Variants in GPC6 observed in about 807,000 individuals in gnomAD.
GPC6 encodes glypican 6.
GPC6 carries 14 observed loss-of-function variants against 55.2 expected under a neutral mutation model. The observed-to-expected ratio is 0.25, with a 90% CI of 0.17 to 0.40. The LOEUF (loss-of-function observed/expected upper bound fraction) is 0.40. Ranked by LOEUF, GPC6 falls within the 10% of genes least tolerant of loss-of-function variation. The pLI is 1.00. For missense variants in GPC6, 641 were observed against 708.5 expected, an observed-to-expected ratio of 0.90 and a Z score of 1.08; for synonymous variants, 278 against 259.6, an observed-to-expected ratio of 1.07 and a Z score of -0.68.
At chr13:93,677,758 T>G (rs1191348241) in intron 2 of GPC6, among the ~76,000 whole-genome samples, 1 of 152,100 alleles carries the variant, frequency 6.6e-6, no homozygotes, top group Non-Finnish European at 1.5e-5. Context: ...ACTACCCAGG[T>G]TTTAAAACTT....
intron 3 of GPC6, among the ~76,000 whole-genome samples, chr13:93,911,557 A>T (rs1013834053): frequency 6.6e-6 from 1 of 152,180 alleles, no homozygotes; most frequent in African/African-American, 2.4e-5. Flanking sequence ...ACTGCATGGC[A>T]GTGTTGGGAA....
chr13:93,876,631 G>A (rs1889305816), intron 3 of GPC6, among the ~76,000 whole-genome samples: 1 of 152,014 alleles, frequency 6.6e-6, no homozygotes, highest in Admixed American at 6.6e-5. Flanking sequence ...TCTGATAGTT[G>A]CCCAAAGGTA....
chr13:94,325,343 C>T (rs187388996), intron 6 of GPC6, among the ~76,000 whole-genome samples: 1 of 152,252 alleles, frequency 6.6e-6, no homozygotes, highest in East Asian at 1.9e-4. Context: ...TGGTGAAAGG[C>T]AGGGCAGAGG....
intron 4 of GPC6, among the ~76,000 whole-genome samples, chr13:94,066,187 C>T (rs1411468625): frequency 1.3e-5 from 2 of 152,050 alleles, no homozygotes; most frequent in Admixed American, 1.3e-4. Flanking sequence ...ATTTTATACC[C>T]ATTGTAGATA....
Position 94,370,481 on chromosome 13 carries a change from T to TAA in GPC6, c.1153-11930_1153-11929dup. On this transcript the variant is annotated intron_variant, in intron 6 of 8. Coordinates refer to ENST00000377047, the MANE Select transcript of GPC6 (RefSeq NM_005708.5). ...TATTTTGCATTCCCAGAGTCTACTA[T>TAA]AAAACCTGTCTTATAAAAGGCACGT... Among the ~76,000 whole-genome samples, 9 of 152,346 alleles carry TAA rather than the reference T, an allele frequency of 5.9e-5. 1 individual carries two copies. In the Middle Eastern group the frequency reaches 0.024, roughly 403 times the overall value.
chr13:93,443,301 AT>A (rs1022992694), intron 1 of GPC6, among the ~76,000 whole-genome samples: 7 of 151,900 alleles, frequency 4.6e-5, no homozygotes, highest in Non-Finnish European at 8.8e-5. Context: ...TTATGAATAA[AT>A]TTTTTTTTCT....
intron 4 of GPC6, among the ~76,000 whole-genome samples, chr13:94,252,467 A>G (rs954907863): frequency 3.3e-5 from 5 of 152,018 alleles, no homozygotes; most frequent in Non-Finnish European, 5.9e-5. Flanking sequence ...ATGTGCCCCC[A>G]TGCTGGTTAA....
intron 1 of GPC6, among the ~76,000 whole-genome samples, chr13:93,412,673 A>G (rs1490435245): frequency 6.6e-6 from 1 of 152,148 alleles, no homozygotes; most frequent in Non-Finnish European, 1.5e-5. Flanking sequence ...AAACAAACAA[A>G]TAAATCCAGG....
At position 93,830,467 on chromosome 13, in the gene GPC6, T is replaced by G. The variant is rs1385175374; in HGVS notation, c.633T>G (p.Val211=). Residue 211 remains valine (V), a synonymous_variant, in exon 3 of 9, where the codon GTT becomes GTG. Transcript: ENST00000377047. Reference sequence around the variant, plus strand: ...TGCCCCGGAAACTGAAGATTCAGGTTACCCGCGCCTTCATTGCTGCCAGGA... The same window carrying G: ...TGCCCCGGAAACTGAAGATTCAGGTGACCCGCGCCTTCATTGCTGCCAGGA... The part of the protein sequence containing the change: ...GDVPRKLKIQ[V]TRAFIAARTF... The G allele has an allele frequency of 1.2e-6, 2 of 1,613,696 alleles. No homozygotes were observed. Among genetic ancestry groups the G allele is most frequent in the African/African-American group, 2.7e-5 (2 of 74,902 alleles).
At chr13:94,072,707 G>T (rs1175953134) in intron 4 of GPC6, among the ~76,000 whole-genome samples, 2 of 152,202 alleles carry the variant, frequency 1.3e-5, no homozygotes, top group Non-Finnish European at 2.9e-5. Flanking sequence ...AAGCAACAAT[G>T]AATATTGCAA....
chr13:94,377,186 C>G (rs1244718111), intron 6 of GPC6, among the ~76,000 whole-genome samples: 1 of 151,914 alleles, frequency 6.6e-6, no homozygotes, highest in Non-Finnish European at 1.5e-5. Context: ...CAACAAAAGA[C>G]ACAATTGACA....
At chr13:93,502,240 G>A (rs1003793793) in intron 1 of GPC6, among the ~76,000 whole-genome samples, 1 of 151,802 alleles carries the variant, frequency 6.6e-6, no homozygotes, top group Non-Finnish European at 1.5e-5. Context: ...AAATAAATCA[G>A]TTCTCCAGAA....
intron 1 of GPC6, among the ~76,000 whole-genome samples, chr13:93,300,516 C>T (rs536411902): frequency 5.9e-5 from 9 of 151,604 alleles, no homozygotes; most frequent in Admixed American, 2.0e-4. Flanking sequence ...GGCGTGGTGG[C>T]GGGTGCCTGT....
At chr13:94,260,770 G>A (rs1248349359) in intron 4 of GPC6, among the ~76,000 whole-genome samples, 1 of 152,134 alleles carries the variant, frequency 6.6e-6, no homozygotes, top group Non-Finnish European at 1.5e-5. Context: ...CTGAAGAGAA[G>A]GGGTCAGATC....
intron 4 of GPC6, among the ~76,000 whole-genome samples, chr13:94,180,648 T>C (rs190435087): frequency 7.7e-4 from 117 of 152,288 alleles, no homozygotes; most frequent in Non-Finnish European, 1.3e-3. Context: ...TATTTGTCCT[T>C]AGCAATTTTC....
In GPC6 at chr13:93,386,206, G is replaced by A. The variant is rs568113307; in HGVS notation, c.160+158590G>A. 8.6e-5 allele frequency among the ~76,000 whole-genome samples: 13 copies of A among 151,998 alleles called. No individual in the cohort carries two copies. The South Asian group carries it at 1.5e-3, about 17-fold the overall frequency. ...GCAAGTTCAGCGAATAACTGTAGACGCTATTAAGAGCTGTCATGGAAAATG... is the reference window on the plus strand; with the variant it reads ...GCAAGTTCAGCGAATAACTGTAGACACTATTAAGAGCTGTCATGGAAAATG... On this transcript the variant is annotated intron_variant, in intron 1 of 8. Coordinates refer to ENST00000377047, the MANE Select transcript of GPC6 (RefSeq NM_005708.5).
intron 1 of GPC6, among the ~76,000 whole-genome samples, chr13:93,257,221 G>A (rs986341813): frequency 3.3e-5 from 5 of 152,032 alleles, no homozygotes; most frequent in African/African-American, 9.7e-5. Flanking sequence ...GACTGTTTGA[G>A]CACAGGTGGT....
chr13:93,309,656 A>G (rs947234294), intron 1 of GPC6, among the ~76,000 whole-genome samples: 8 of 152,220 alleles, frequency 5.3e-5, no homozygotes. Context: ...CAGAAACACA[A>G]GAAGCTATCA....
At chr13:93,773,960 T>C (rs890402139) in intron 2 of GPC6, among the ~76,000 whole-genome samples, 4 of 152,142 alleles carry the variant, frequency 2.6e-5, no homozygotes, top group Non-Finnish European at 5.9e-5. Flanking sequence ...ACAGTTCAGG[T>C]GTAAGAAGAC....
Sources: allele counts gnomAD v4.1 joint callset (sites outside exome capture counted in the v4.1 genomes callset), GRCh38; gene constraint gnomAD v4.1.1; transcripts MANE v1.5; gene names NCBI Gene and HGNC (gene_info 2026-07-23, HGNC 2026-07-21).